The following KCND3 variants were observed in gnomAD, a reference collection of about 807,000 sequenced individuals.
KCND3 encodes the protein potassium voltage-gated channel subfamily D member 3.
Under a neutral mutation model 51.1 loss-of-function variants are expected in KCND3, and 9 were observed. The ratio of observed to expected loss-of-function variants is 0.18; its 90% CI spans 0.11 to 0.31. The LOEUF (loss-of-function observed/expected upper bound fraction) is 0.31, where lower values mean the gene tolerates loss of function less well. KCND3 is among the 10% of genes least tolerant of loss of function. KCND3 has a pLI of 1.00. For synonymous variants in KCND3, 349 were observed against 368.0 expected, an observed-to-expected ratio of 0.95 and a Z score of 0.59; for missense variants, 526 against 903.8, an observed-to-expected ratio of 0.58 and a Z score of 5.36.
intron 2 of KCND3, among the ~76,000 whole-genome samples, chr1:111,943,501 C>T (rs1036160129): frequency 4.6e-5 from 7 of 152,194 alleles, no homozygotes; most frequent in African/African-American, 1.7e-4. Context: ...AGTGACTTGT[C>T]CAAAGTCACA....
chr1:111,919,666 C>T (rs568358165), intron 2 of KCND3, among the ~76,000 whole-genome samples: 1 of 152,242 alleles, frequency 6.6e-6, no homozygotes, highest in South Asian at 2.1e-4. Context: ...ATGATGTCCC[C>T]GAAGCAGGCT....
intron 2 of KCND3, among the ~76,000 whole-genome samples, chr1:111,905,460 G>A (rs756304171): frequency 2.0e-5 from 3 of 152,248 alleles, no homozygotes; most frequent in Non-Finnish European, 4.4e-5. Context: ...CAAAGTGGAT[G>A]CACTCAAGTT....
chr1:111,827,322 G>A (rs1666623586), intron 2 of KCND3, among the ~76,000 whole-genome samples: 1 of 152,248 alleles, frequency 6.6e-6, no homozygotes, highest in African/African-American at 2.4e-5. Context: ...AGCTGGTGCA[G>A]CCTAGGGGTG....
rs61088602 is a variant in KCND3 at position 111,940,073 on chromosome 1, G to GTTTTTTTTTTTTTTTTTTTTTTTTTTT, written c.1106+41547_1106+41548insAAAAAAAAAAAAAAAAAAAAAAAAAAA. Reference sequence around the variant, plus strand: ...TATATCCTTCGCCTACTTTTTGATGGTTTTTTTTTTTTTTTTTTTTTTTGT... The same window carrying GTTTTTTTTTTTTTTTTTTTTTTTTTTT: ...TATATCCTTCGCCTACTTTTTGATGGTTTTTTTTTTTTTTTTTTTTTTTTTTTTTTTTTTTTTTTTTTTTTTTTTTGT... On this transcript the variant is annotated intron_variant, in intron 2 of 7. Coordinates refer to ENST00000302127, the MANE Select transcript of KCND3 (RefSeq NM_001378969.1). Among the ~76,000 whole-genome samples, 14 of 85,462 alleles carry GTTTTTTTTTTTTTTTTTTTTTTTTTTT rather than the reference G, an allele frequency of 1.6e-4. 1 individual carries two copies. Among genetic ancestry groups the GTTTTTTTTTTTTTTTTTTTTTTTTTTT allele is most frequent in the South Asian group, 4.9e-4 (1 of 2,054 alleles). The allele number at this position is 85,462 out of a possible 152,430, so 56.1% of individuals were successfully genotyped here.
chr1:111,935,771 C>T lies in KCND3; in HGVS notation c.1106+45850G>A, dbSNP rs565356006. 2.0e-4 allele frequency among the ~76,000 whole-genome samples: 31 copies of T among 152,190 alleles called. No homozygotes were observed. In the South Asian group the frequency reaches 4.0e-3, roughly 19 times the overall value. On this transcript the variant is annotated intron_variant, in intron 2 of 7. Transcript: ENST00000302127. ...CTGTTCATGTTTGTGGAAGAGGGGC[C>T]GAGGGGCCAAGGGTCCTATAGCCCT...
chr1:111,871,536 A>G (rs1668827563), intron 2 of KCND3, among the ~76,000 whole-genome samples: 2 of 152,224 alleles, frequency 1.3e-5, no homozygotes, highest in Non-Finnish European at 2.9e-5. Flanking sequence ...GGGTAAAGCT[A>G]TAAACTCACT....
chr1:111,845,664 T>C (rs1478175922), intron 2 of KCND3, among the ~76,000 whole-genome samples: 1 of 152,208 alleles, frequency 6.6e-6, no homozygotes, highest in Non-Finnish European at 1.5e-5. Context: ...ATTAACTCTA[T>C]GGAATACTCA....
intron 2 of KCND3, among the ~76,000 whole-genome samples, chr1:111,921,223 T>C (rs1017398662): frequency 2.0e-5 from 3 of 152,206 alleles, no homozygotes; most frequent in African/African-American, 7.2e-5. Flanking sequence ...AAGCAGCTCC[T>C]AGGAGTTGAG....
At chr1:111,795,902 C>T (rs1665034880) in intron 2 of KCND3, among the ~76,000 whole-genome samples, 1 of 152,182 alleles carries the variant, frequency 6.6e-6, no homozygotes, top group African/African-American at 2.4e-5. Flanking sequence ...GCTGGTATCT[C>T]ACTGAGATTT....
chr1:111,849,909 C>A (rs1667730041), intron 2 of KCND3, among the ~76,000 whole-genome samples: 1 of 152,124 alleles, frequency 6.6e-6, no homozygotes, highest in Admixed American at 6.5e-5. Context: ...CCTCCTGTGA[C>A]AGGATTCTGG....
At chr1:111,889,739 A>C (rs1669741119) in intron 2 of KCND3, among the ~76,000 whole-genome samples, 1 of 152,216 alleles carries the variant, frequency 6.6e-6, no homozygotes, top group South Asian at 2.1e-4. Flanking sequence ...TGCATTTTAC[A>C]TAAGATAACA....
At chr1:111,791,722 G>A (rs1412976590) in intron 2 of KCND3, among the ~76,000 whole-genome samples, 1 of 152,136 alleles carries the variant, frequency 6.6e-6, no homozygotes, top group African/African-American at 2.4e-5. Context: ...AGGTCTTTAG[G>A]AGTCAAAAGG....
intron 2 of KCND3, among the ~76,000 whole-genome samples, chr1:111,964,012 T>C (rs1016058223): frequency 6.6e-6 from 1 of 152,224 alleles, no homozygotes; most frequent in African/African-American, 2.4e-5. Flanking sequence ...TCATCCTTTA[T>C]CCCAATCCTT....
At chr1:111,840,539 TCAAAG>T (rs1667281210) in intron 2 of KCND3, among the ~76,000 whole-genome samples, 1 of 152,160 alleles carries the variant, frequency 6.6e-6, no homozygotes, top group African/African-American at 2.4e-5. Flanking sequence ...CATTAGATTC[TCAAAG>T]TGATTTATTT....
chr1:111,885,371 T>G (rs1397375278), intron 2 of KCND3, among the ~76,000 whole-genome samples: 1 of 152,174 alleles, frequency 6.6e-6, no homozygotes, highest in Non-Finnish European at 1.5e-5. Flanking sequence ...ACAAATGTCA[T>G]AAGACTGGTA....
chr1:111,967,737 T>C (rs764587010), intron 2 of KCND3, among the ~76,000 whole-genome samples: 9 of 152,178 alleles, frequency 5.9e-5, no homozygotes, highest in Non-Finnish European at 1.0e-4. Context: ...CCAGTTTACT[T>C]TGGAAAAGTG....
chr1:111,780,668 C>T lies in KCND3; in HGVS notation c.1371+22G>A. ...CCATCTACCCCTTTATGTTCCCTAG[C>T]CCAGGTCCTCTAGGCACCTACCGTC... On this transcript the variant is annotated intron_variant, in intron 4 of 7. Coordinates refer to ENST00000302127, the MANE Select transcript of KCND3 (RefSeq NM_001378969.1). This position sits in a 1 kb window ranked among gnomAD's most constrained non-coding sequence, Gnocchi z 4.2. 3 of 1,587,808 alleles carry T rather than the reference C, an allele frequency of 1.9e-6. No homozygotes were observed. Among genetic ancestry groups the T allele is most frequent in the Non-Finnish European group, 2.6e-6 (3 of 1,163,492 alleles).
Position 111,826,881 on chromosome 1 carries a change from T to C in KCND3, c.1107-39775A>G, listed in dbSNP as rs149966484. Among the ~76,000 whole-genome samples, 33 of 152,360 alleles carry C rather than the reference T, an allele frequency of 2.2e-4. No individual in the cohort carries two copies. The East Asian group carries it at 6.0e-3, about 28-fold the overall frequency. ...ATCTCCAACAACCCTATGAGGCTGG[T>C]ACTACAGGTTGAGTATCCCTTATCC... On this transcript the variant is annotated intron_variant, in intron 2 of 7. Coordinates refer to ENST00000302127, the MANE Select transcript of KCND3 (RefSeq NM_001378969.1).
intron 2 of KCND3, among the ~76,000 whole-genome samples, chr1:111,906,805 T>C (rs1335406317): frequency 6.6e-6 from 1 of 152,218 alleles, no homozygotes; most frequent in Non-Finnish European, 1.5e-5. Flanking sequence ...GCCATCAAGA[T>C]GGATCCAAAG....
Sources: allele counts gnomAD v4.1 joint callset (sites outside exome capture counted in the v4.1 genomes callset), GRCh38; gene constraint gnomAD v4.1.1; non-coding constraint Gnocchi (gnomAD v3.1); transcripts MANE v1.5; gene names NCBI Gene and HGNC (gene_info 2026-07-23, HGNC 2026-07-21).